Variants in TXNL1 observed in about 807,000 individuals in gnomAD.
The protein encoded by TXNL1 is thioredoxin-like protein 1.
Under a neutral mutation model 35.5 loss-of-function variants are expected in TXNL1, and 14 were observed. The observed-to-expected ratio is 0.39, with a 90% CI of 0.26 to 0.62. The LOEUF is 0.62. TXNL1 is among the 20% of genes least tolerant of loss of function. TXNL1 has a pLI of 0.47. For synonymous variants in TXNL1, 110 were observed against 115.5 expected, an observed-to-expected ratio of 0.95 and a Z score of 0.31; for missense variants, 263 against 349.7, an observed-to-expected ratio of 0.75 and a Z score of 1.98.
At chr18:56,611,826 C>A (rs956124316) in intron 6 of TXNL1, among the ~76,000 whole-genome samples, 16 of 148,152 alleles carry the variant, frequency 1.1e-4, no homozygotes, top group African/African-American at 4.0e-4. Flanking sequence ...CCTGAGTAGC[C>A]CACCAGCACA....
intron 1 of TXNL1, among the ~76,000 whole-genome samples, chr18:56,626,794 G>C (rs958641092): frequency 7.1e-5 from 3 of 42,240 alleles, no homozygotes; most frequent in South Asian, 1.2e-3. Context: ...CCACCAAGCC[G>C]GTCTTTTTTT....
chr18:56,611,166 T>C, intron 6 of TXNL1, 69 bp from the exon 7 acceptor site: 1 of 1,026,100 alleles, frequency 9.7e-7, no homozygotes. Context: ...TTTAATCAAT[T>C]TCCTTAAATT....
chr18:56,626,292 GA>G (rs2024276953), intron 2 of TXNL1, 68 bp downstream of exon 2: 1 of 1,554,000 alleles, frequency 6.4e-7, no homozygotes, highest in African/African-American at 1.4e-5. Flanking sequence ...GATAAATGAA[GA>G]ATATTAATGT....
intron 4 of TXNL1, 88 bp from the exon 5 acceptor site, chr18:56,616,402 GAAAA>G (rs893835455): frequency 2.8e-6 from 3 of 1,055,620 alleles, no homozygotes; most frequent in Non-Finnish European, 2.6e-6. Context: ...TAACAGGCAA[GAAAA>G]AAAAAACCAA....
At chr18:56,626,863 GGCATGA>G (rs1368566558) in intron 1 of TXNL1, among the ~76,000 whole-genome samples, 9 of 126,250 alleles carry the variant, frequency 7.1e-5, no homozygotes, top group African/African-American at 2.6e-4. Flanking sequence ...AGAGTACAGT[GGCATGA>G]TCATGGCTCA....
In TXNL1 at chr18:56,614,419, C is replaced by T. The variant is rs1231250809; in HGVS notation, c.735+5G>A. ...TTAAATACATATGAACGAAATACTACTTACAGTTACACTGTTAACATTCTG... is the reference window on the plus strand; with the variant it reads ...TTAAATACATATGAACGAAATACTATTTACAGTTACACTGTTAACATTCTG... On this transcript the variant is annotated splice_donor_5th_base_variant and intron_variant, in intron 6 of 7. Transcript: ENST00000217515. 1 of 1,610,236 alleles carries T rather than the reference C, an allele frequency of 6.2e-7. No homozygotes were observed. The highest frequency in any genetic ancestry group is 8.5e-7 in the Non-Finnish European group (1 of 1,177,800).
At chr18:56,625,945 T>G (rs2024270917) in intron 2 of TXNL1, among the ~76,000 whole-genome samples, 1 of 152,198 alleles carries the variant, frequency 6.6e-6, no homozygotes, top group Non-Finnish European at 1.5e-5. Flanking sequence ...ATTTTAAAGT[T>G]TCTGCTCAGT....
rs34382500 is a variant in TXNL1 at position 56,621,204 on chromosome 18, A to AT, written c.370-3079dup. On this transcript the variant is annotated intron_variant, in intron 3 of 7. Transcript: ENST00000217515. Reference sequence around the variant, plus strand: ...TGGGGCACACAAAACATATATATGTATTTTTTTTTTTTTTTTTTGAAACAA... The same window carrying AT: ...TGGGGCACACAAAACATATATATGTATTTTTTTTTTTTTTTTTTTGAAACAA... 4.9e-3 allele frequency among the ~76,000 whole-genome samples: 620 copies of AT among 126,194 alleles called. 6 individuals carry two copies. The highest frequency in any genetic ancestry group is 0.017 in the African/African-American group (589 of 34,556). The allele number at this position is 126,194 out of a possible 152,430, so 82.8% of individuals were successfully genotyped here.
At chr18:56,634,060 G>A (rs1053739230) in intron 1 of TXNL1, among the ~76,000 whole-genome samples, 2 of 148,734 alleles carry the variant, frequency 1.3e-5, no homozygotes, top group Admixed American at 6.7e-5. Flanking sequence ...GACAACGAAC[G>A]ACACAATGTA....
chr18:56,617,208 G>C (rs11873213), intron 4 of TXNL1, among the ~76,000 whole-genome samples: 13,397 of 152,048 alleles, frequency 0.088, 1,390 homozygotes, highest in African/African-American at 0.25. Context: ...AAAATAACTA[G>C]GCTATTTCCT....
chr18:56,635,308 A>G (rs1472469370), intron 1 of TXNL1, among the ~76,000 whole-genome samples: 1 of 152,176 alleles, frequency 6.6e-6, no homozygotes, highest in Non-Finnish European at 1.5e-5. Context: ...ATCCCCGCAT[A>G]GCAATGTCCC....
intron 1 of TXNL1, among the ~76,000 whole-genome samples, chr18:56,633,315 C>T (rs2024403645): frequency 6.6e-6 from 1 of 151,640 alleles, no homozygotes; most frequent in Non-Finnish European, 1.5e-5. Flanking sequence ...GGCGTGGTGG[C>T]GGGCACCTGT....
In TXNL1 at chr18:56,611,029, A is replaced by T. The variant is rs1435172964; in HGVS notation, c.804T>A (p.Thr268=). 4 of 1,608,344 alleles carry T rather than the reference A, an allele frequency of 2.5e-6. No individual in the cohort carries two copies. The highest frequency in any genetic ancestry group is 3.4e-6 in the Non-Finnish European group (4 of 1,178,056). The change falls in exon 7 of 8, where the codon ACT becomes ACA. Residue 268 remains threonine, a synonymous_variant. Coordinates refer to ENST00000217515, the MANE Select transcript of TXNL1 (RefSeq NM_004786.3). ...CATTCATATTTGTTGCCTGGACTGG[A>T]GTACCAATAAAAGTAAAATATGAAA... ...TRISYFTFIG[T]PVQATNMNDF... is the part of the protein sequence containing the mutation.
At chr18:56,628,760 T>C (rs1368965345) in intron 1 of TXNL1, among the ~76,000 whole-genome samples, 1 of 152,240 alleles carries the variant, frequency 6.6e-6, no homozygotes, top group Non-Finnish European at 1.5e-5. Flanking sequence ...AATTGAACTA[T>C]ACATTTCTAA....
At chr18:56,626,974 A>G (rs909622948) in intron 1 of TXNL1, among the ~76,000 whole-genome samples, 5 of 147,160 alleles carry the variant, frequency 3.4e-5, no homozygotes, top group African/African-American at 1.3e-4. Context: ...CCAGCTACCA[A>G]GCTACATTTT....
At chr18:56,607,729 G>A (rs2023923485) in intron 7 of TXNL1, among the ~76,000 whole-genome samples, 2 of 151,996 alleles carry the variant, frequency 1.3e-5, no homozygotes, top group South Asian at 2.1e-4. Flanking sequence ...GGTGGCAGGC[G>A]CCTGTAATCC....
intron 5 of TXNL1, 50 bp from the exon 6 acceptor site, chr18:56,614,646 A>C (rs372663569): frequency 9.6e-6 from 14 of 1,465,862 alleles, no homozygotes; most frequent in Non-Finnish European, 1.2e-5. Context: ...CAAATATACT[A>C]TACTCCCTTT....
In TXNL1 at chr18:56,598,283, T is replaced by G. The variant is rs1004545689; in HGVS notation, c.*4744A>C. On this transcript the variant is annotated 3_prime_UTR_variant, in exon 8 of 8. Transcript: ENST00000217515. Reference sequence around the variant, plus strand: ...AAAATACTTGTATTACAGCTCACAATCTAGTAGTCCAAATAAGACTACAGA... The same window carrying G: ...AAAATACTTGTATTACAGCTCACAAGCTAGTAGTCCAAATAAGACTACAGA... 1 of 152,156 alleles carries G rather than the reference T, an allele frequency of 6.6e-6. No individual in the cohort carries two copies. Among genetic ancestry groups the G allele is most frequent in the Non-Finnish European group, 1.5e-5 (1 of 68,028 alleles). The allele number at this position is 152,156 out of a possible 1,614,324, so 9.4% of individuals were successfully genotyped here.
intron 1 of TXNL1, among the ~76,000 whole-genome samples, chr18:56,628,260 T>C (rs1006808220): frequency 2.6e-5 from 4 of 152,182 alleles, no homozygotes; most frequent in Non-Finnish European, 5.9e-5. Context: ...TTTTATATAC[T>C]GTGAGAGTGC....
Sources: gnomAD v4.1 joint callset for allele counts (sites outside exome capture counted in the v4.1 genomes callset) on GRCh38, gnomAD v4.1.1 for gene constraint, MANE v1.5 for transcripts, NCBI Gene and HGNC (gene_info 2026-07-23, HGNC 2026-07-21) for gene names.